Variants in TRIM2 observed in about 807,000 individuals in gnomAD.
TRIM2 encodes the protein tripartite motif-containing protein 2.
In TRIM2, 20 loss-of-function variants were observed where a neutral mutation model predicts 75.2. The ratio of observed to expected loss-of-function variants is 0.27; its 90% confidence interval spans 0.19 to 0.39. TRIM2 has a LOEUF of 0.39. Ranked by LOEUF, TRIM2 falls within the 10% of genes least tolerant of loss-of-function variation. The pLI, the probability that TRIM2 is intolerant of heterozygous loss-of-function variation, is 1.00. For missense variants in TRIM2, 660 were observed against 990.8 expected (o/e 0.67, Z 4.48); for synonymous variants, 373 against 388.3 (o/e 0.96, Z 0.46).
At chr4:153,319,754 T>A (rs1245399904) in intron 8 of TRIM2, among the ~76,000 whole-genome samples, 5 of 151,572 alleles carry the variant, frequency 3.3e-5, no homozygotes, top group African/African-American at 9.7e-5. Flanking sequence ...ATATATATAT[T>A]TTTTGTTGTT....
chr4:153,235,922 C>T (rs1744915329), intron 1 of TRIM2, among the ~76,000 whole-genome samples: 1 of 152,114 alleles, frequency 6.6e-6, no homozygotes, highest in Admixed American at 6.5e-5. Flanking sequence ...ACTATGATTA[C>T]CTTCTTTCCC....
chr4:153,281,189 A>C (rs552539379), intron 3 of TRIM2, among the ~76,000 whole-genome samples: 6 of 152,334 alleles, frequency 3.9e-5, no homozygotes, highest in African/African-American at 1.4e-4. Context: ...CGCTCTTGAG[A>C]GTATGTATGG....
intron 6 of TRIM2, chr4:153,307,816 A>T (rs1254808605): frequency 1.4e-6 from 1 of 729,288 alleles, no homozygotes; most frequent in Non-Finnish European, 2.6e-6. Flanking sequence ...TGGATGTAAT[A>T]GTACAGGGAC....
chr4:153,213,064 A>G (rs1737501517), intron 1 of TRIM2, among the ~76,000 whole-genome samples: 1 of 152,210 alleles, frequency 6.6e-6, no homozygotes. Flanking sequence ...CTGTAAGTGG[A>G]GAGACTAACT....
At position 153,295,670 on chromosome 4, in the gene TRIM2, G is replaced by T. The variant is rs760086023; in HGVS notation, c.1144G>T (p.Gly382Cys). 3.7e-6 allele frequency: 6 copies of T among 1,613,926 alleles called. No homozygotes were observed. Among genetic ancestry groups the T allele is most frequent in the Non-Finnish European group, 5.1e-6 (6 of 1,180,008 alleles). Residue 382 changes from glycine to cysteine, a missense_variant, in exon 6 of 12, where the codon GGT (glycine) becomes TGT (cysteine). Physicochemically the swap from Gly to Cys is radical, Grantham distance 159. Transcript: ENST00000338700. This position sits in a 1 kb window ranked among gnomAD's most constrained non-coding sequence, Gnocchi z 7.2. ...CACCATCACCACCAAGGACAAAGACGGTGAGCTGTGCAAAACCGGCAACGC... is the reference window on the plus strand; with the variant it reads ...CACCATCACCACCAAGGACAAAGACTGTGAGCTGTGCAAAACCGGCAACGC... Reference protein sequence around the residue: ...SVTITTKDKDGELCKTGNAYL... With the variant: ...SVTITTKDKDCELCKTGNAYL...
In TRIM2 at chr4:153,337,576, G is replaced by A; in HGVS notation, c.*2610G>A. The A allele has an allele frequency of 4.1e-6, 4 of 985,782 alleles. No homozygotes were observed. Among genetic ancestry groups the A allele is most frequent in the Non-Finnish European group, 4.8e-6 (4 of 829,940 alleles). 61.1% of individuals were successfully genotyped at this position (985,782 alleles called of 1,614,324 possible). A position where few individuals can be genotyped will look rare whatever the true frequency, so the allele number is the denominator to read the frequency against. On this transcript the variant is annotated 3_prime_UTR_variant, in exon 12 of 12. Transcript: ENST00000338700. The stretch of plus-strand genomic sequence containing the variant: ...ACATTTCACACTTGGATACATATGT[G>A]CATTTACTGTATTTCTTGGTAAGCA...
chr4:153,173,144 C>T (rs574744279), intron 1 of TRIM2, among the ~76,000 whole-genome samples: 1 of 152,294 alleles, frequency 6.6e-6, no homozygotes, highest in East Asian at 1.9e-4. Context: ...TGCACTTGTG[C>T]CATCGCACAC....
rs79074222 is a variant in TRIM2 at position 153,183,814 on chromosome 4, A to G, written c.-49+30544A>G. On this transcript the variant is annotated intron_variant, in intron 1 of 11. Coordinates refer to the TRIM2 transcript ENST00000437508. ...AAAAGCTAGACCACACTGAACAGAG[A>G]TTAGGATCCCTTGTAGGTGTAAGGG... 7.8e-3 allele frequency among the ~76,000 whole-genome samples: 1,190 copies of G among 152,236 alleles called. 17 individuals carry two copies. Among genetic ancestry groups the G allele is most frequent in the African/African-American group, 0.027 (1,123 of 41,534 alleles).
chr4:153,276,112 C>G lies in TRIM2; in HGVS notation c.435C>G (p.Cys145Trp). ...TAVAAGKPLS[C>W]PNHDGNVMEF... ...TGGCTGCGGGAAAGCCTCTCTCTTGCCCAAACCACGATGGGAATGTAAGTG... is the reference window on the plus strand; with the variant it reads ...TGGCTGCGGGAAAGCCTCTCTCTTGGCCAAACCACGATGGGAATGTAAGTG... Residue 145 changes from cysteine (C) to tryptophan (W), a missense_variant, in exon 3 of 12, where the codon TGC (cysteine) becomes TGG (tryptophan). Physicochemically the swap from Cys to Trp is radical, Grantham distance 215. This residue lies in a region of TRIM2 where 620 missense variants were observed against 891.0 expected (regional missense o/e 0.70). Transcript: ENST00000338700. The G allele has an allele frequency of 6.2e-7, 1 of 1,614,154 alleles. No homozygotes were observed. The highest frequency in any genetic ancestry group is 8.5e-7 in the Non-Finnish European group (1 of 1,179,974).
chr4:153,244,928 G>A (rs1748714729), intron 1 of TRIM2, among the ~76,000 whole-genome samples: 1 of 152,180 alleles, frequency 6.6e-6, no homozygotes, highest in South Asian at 2.1e-4. Flanking sequence ...GGTGGGACTT[G>A]GCCTGTTTCT....
chr4:153,325,773 TCTA>T (rs1021661794), intron 10 of TRIM2, among the ~76,000 whole-genome samples: 4 of 152,228 alleles, frequency 2.6e-5, no homozygotes, highest in Admixed American at 1.3e-4. Context: ...GTGGCTCTTT[TCTA>T]CTAAGCGCAA....
chr4:153,190,402 C>CT (rs1166151343), intron 1 of TRIM2, among the ~76,000 whole-genome samples: 1 of 152,234 alleles, frequency 6.6e-6, no homozygotes, highest in Non-Finnish European at 1.5e-5. Flanking sequence ...GTGCCTGGCA[C>CT]TGTGCTAAGT....
chr4:153,264,046 C>T lies in TRIM2; in HGVS notation c.31-6289C>T, dbSNP rs1445705568. Among the ~76,000 whole-genome samples, 8 of 152,300 alleles carry T rather than the reference C, an allele frequency of 5.3e-5. No homozygotes were observed. The East Asian group carries it at 1.3e-3, about 26-fold the overall frequency. On this transcript the variant is annotated intron_variant, in intron 1 of 11. Coordinates refer to ENST00000338700, the MANE Select transcript of TRIM2 (RefSeq NM_015271.5). Reference sequence around the variant, plus strand: ...AGGTGACCCGTGCTACGGAGAAAAACCTAGCAAGGACTGGGGATAGCAGTG... The same window carrying T: ...AGGTGACCCGTGCTACGGAGAAAAATCTAGCAAGGACTGGGGATAGCAGTG...
At chr4:153,234,192 G>A (rs1249865862) in intron 1 of TRIM2, among the ~76,000 whole-genome samples, 1 of 152,172 alleles carries the variant, frequency 6.6e-6, no homozygotes, top group African/African-American at 2.4e-5. Context: ...AGAAGAGATT[G>A]AATTCTCATC....
intron 1 of TRIM2, among the ~76,000 whole-genome samples, chr4:153,166,114 T>C (rs560155753): frequency 1.2e-3 from 182 of 152,024 alleles, no homozygotes; most frequent in Admixed American, 2.2e-3. Context: ...CTTGTTCTTT[T>C]TTAAAAAAAA....
chr4:153,174,265 C>T (rs945324881), intron 1 of TRIM2, among the ~76,000 whole-genome samples: 4 of 151,498 alleles, frequency 2.6e-5, no homozygotes, highest in African/African-American at 9.7e-5. Context: ...AGTGTAAGAA[C>T]GGTGGCCCCC....
chr4:153,170,364 C>T (rs985778858), intron 1 of TRIM2, among the ~76,000 whole-genome samples: 1 of 152,056 alleles, frequency 6.6e-6, no homozygotes, highest in Admixed American at 6.5e-5. Context: ...TCTGGTATCC[C>T]TTGAACACTA....
At chr4:153,227,754 G>A (rs191868067) in intron 1 of TRIM2, among the ~76,000 whole-genome samples, 131 of 152,264 alleles carry the variant, frequency 8.6e-4, no homozygotes, top group African/African-American at 3.1e-3. Flanking sequence ...GTGAACTAGA[G>A]TCATGGTGGG....
intron 1 of TRIM2, among the ~76,000 whole-genome samples, chr4:153,187,536 A>G (rs1311404990): frequency 6.6e-6 from 1 of 152,202 alleles, no homozygotes; most frequent in East Asian, 1.9e-4. Context: ...GCAGGAATGG[A>G]TAAGAGCAGA....
Sources: gnomAD v4.1 joint callset for allele counts (sites outside exome capture counted in the v4.1 genomes callset) on GRCh38, gnomAD v4.1.1 for gene constraint, gnomAD v4.1.1 regional missense constraint, Gnocchi (gnomAD v3.1) non-coding constraint, MANE v1.5 for transcripts, NCBI Gene and HGNC (gene_info 2026-07-23, HGNC 2026-07-21) for gene names.